IL5RA: variants seen among roughly 807,000 people sequenced by gnomAD.
IL5RA encodes interleukin 5 receptor subunit alpha.
IL5RA carries 49 observed loss-of-function variants against 50.0 expected under a neutral mutation model. The ratio of observed to expected loss-of-function variants is 0.98; its 90% confidence interval spans 0.78 to 1.24. The LOEUF is 1.24. Among genes scored for constraint, IL5RA ranks in the 50% most tolerant of loss-of-function variants. IL5RA has a pLI of 0.00. For missense variants in IL5RA, 600 were observed against 500.4 expected (o/e 1.20, Z -1.90); for synonymous variants, 202 against 174.0 (o/e 1.16, Z -1.26).
chr3:3,086,925 G>A (rs192946726), intron 9 of IL5RA, among the ~76,000 whole-genome samples: 2 of 152,268 alleles, frequency 1.3e-5, no homozygotes, highest in Admixed American at 6.5e-5. Flanking sequence ...CAACTTGGAT[G>A]GAATTGGAGG....
chr3:3,073,485 A>T lies in IL5RA; in HGVS notation c.1176+1297T>A, dbSNP rs556223694. On this transcript the variant is annotated intron_variant, in intron 11 of 11. Coordinates refer to ENST00000446632, the MANE Select transcript of IL5RA (RefSeq NM_175726.4). ...GGCTACTTTCACACTACAATGGCAG[A>T]GTTGAAGAGGTGAGACAGAAACCAT... Among the ~76,000 whole-genome samples, 6 of 152,336 alleles carry T rather than the reference A, an allele frequency of 3.9e-5. No homozygotes were observed. The East Asian group carries it at 1.2e-3, about 29-fold the overall frequency.
intron 5 of IL5RA, among the ~76,000 whole-genome samples, chr3:3,098,571 C>A (rs1004328143): frequency 6.6e-6 from 1 of 152,048 alleles, no homozygotes; most frequent in African/African-American, 2.4e-5. Context: ...CCACACCTGG[C>A]TAATTTTTGT....
chr3:3,101,556 ATGT>A, intron 5 of IL5RA, 133 bp downstream of exon 5: 2 of 741,030 alleles, frequency 2.7e-6, no homozygotes, highest in Non-Finnish European at 4.3e-6. Flanking sequence ...CTTGGTTAGG[ATGT>A]TGTTGATATG....
rs1028943910 is a variant in IL5RA, at chr3:3,069,270, A to C, written c.*955T>G. The C allele has an allele frequency of 1.9e-4, 29 of 152,248 alleles. No homozygotes were observed. The highest frequency in any genetic ancestry group is 7.0e-4 in the African/African-American group (29 of 41,462). The allele number at this position is 152,248 out of a possible 1,614,324, so 9.4% of individuals were successfully genotyped here. A position where few individuals can be genotyped will look rare whatever the true frequency, so the allele number is the denominator to read the frequency against. On this transcript the variant is annotated 3_prime_UTR_variant, in exon 12 of 12. Coordinates refer to ENST00000446632, the MANE Select transcript of IL5RA (RefSeq NM_175726.4). ...AGACTCATATATGAAGATGTTAGGAAGAAGAATTTCTGTGTATATTGGGAT... is the reference window on the plus strand; with the variant it reads ...AGACTCATATATGAAGATGTTAGGACGAAGAATTTCTGTGTATATTGGGAT...
chr3:3,074,185 T>A (rs531005119), intron 11 of IL5RA, among the ~76,000 whole-genome samples: 2 of 152,352 alleles, frequency 1.3e-5, no homozygotes, highest in East Asian at 3.9e-4. Flanking sequence ...TTTTCTATGG[T>A]CTTTTTTATA....
In IL5RA at chr3:3,098,245, G is replaced by A. The variant is rs767398506; in HGVS notation, c.413C>T (p.Thr138Ile). ...TAAACGTGAATAATTGTCTTCTGTA[G>A]TGTTTGTGGTGCAAGTTAAATTCAC... ...SIVNLTCTTN[T>I]TEDNYSRLRS... The change falls in exon 6 of 12, where the codon ACT (threonine) becomes ATT (isoleucine). Residue 138 changes from threonine to isoleucine, a missense_variant. Transcript: ENST00000446632. 9.9e-6 allele frequency: 16 copies of A among 1,613,942 alleles called. No individual in the cohort carries two copies. In the Admixed American group the frequency reaches 2.5e-4, roughly 25 times the overall value.
chr3:3,095,387 A>C lies in IL5RA; in HGVS notation c.767T>G (p.Ile256Ser), dbSNP rs1403711697. ...TAEIEGTRLS[I>S]QWEKPVSAFP... is the part of the protein sequence containing the mutation. The stretch of plus-strand genomic sequence containing the variant: ...AGCAGACACTGGTTTCTCCCATTGG[A>C]TAGAGAGACGAGTTCCTTCAATCTC... Residue 256 changes from isoleucine (I) to serine (S), a missense_variant, in exon 8 of 12, where the codon ATC becomes AGC. By Grantham distance (142) the Ile-to-Ser change is moderately radical. Coordinates refer to ENST00000446632, the MANE Select transcript of IL5RA (RefSeq NM_175726.4). The C allele has an allele frequency of 6.2e-7, 1 of 1,611,366 alleles. No individual in the cohort carries two copies. The highest frequency in any genetic ancestry group is 1.7e-5 in the Admixed American group (1 of 60,014).
intron 2 of IL5RA, among the ~76,000 whole-genome samples, chr3:3,107,439 T>C (rs143157955): frequency 0.017 from 2,589 of 152,162 alleles, 28 homozygotes; most frequent in Middle Eastern, 0.027. Flanking sequence ...AATCCAAAGA[T>C]ACACTGTTAT....
In IL5RA at chr3:3,067,063, G is replaced by A. The variant is rs899507194; in HGVS notation, c.*3162C>T. The A allele has an allele frequency of 5.9e-5, 9 of 152,228 alleles. No homozygotes were observed. Among genetic ancestry groups the A allele is most frequent in the African/African-American group, 1.9e-4 (8 of 41,440 alleles). The allele number at this position is 152,228 out of a possible 1,614,324, so 9.4% of individuals were successfully genotyped here. ...CTTACATCAACCTGCTGCTGATGGT[G>A]TTTACTGTTAAGTGAATTTCAAACT... On this transcript the variant is annotated 3_prime_UTR_variant, in exon 12 of 12. Coordinates refer to ENST00000446632, the MANE Select transcript of IL5RA (RefSeq NM_175726.4).
chr3:3,107,925 CCT>C (rs1704006095), intron 2 of IL5RA, among the ~76,000 whole-genome samples: 1 of 152,112 alleles, frequency 6.6e-6, no homozygotes, highest in African/African-American at 2.4e-5. Flanking sequence ...AATATTTTCC[CCT>C]CTTTTTTTTC....
chr3:3,071,551 CAGTGTG>C (rs1187988267), intron 11 of IL5RA, among the ~76,000 whole-genome samples: 231 of 126,476 alleles, frequency 1.8e-3, no homozygotes, highest in African/African-American at 6.8e-3. Context: ...TCTTCCTTCA[CAGTGTG>C]TGTGTGTGTG....
rs1055126622 is a variant in IL5RA at position 3,069,362 on chromosome 3, T to C, written c.*863A>G. On this transcript the variant is annotated 3_prime_UTR_variant, in exon 12 of 12. Transcript: ENST00000446632. ...AGACTAGGATTGATCTGGCATTACT[T>C]GACCAACAAGTTGTTCTGAAGTCTT... is the stretch of plus-strand genomic sequence containing the variant. 2 of 152,276 alleles carry C rather than the reference T, an allele frequency of 1.3e-5. No homozygotes were observed. Among genetic ancestry groups the C allele is most frequent in the Non-Finnish European group, 2.9e-5 (2 of 68,054 alleles). 9.4% of individuals were successfully genotyped at this position (152,276 alleles called of 1,614,324 possible).
rs929241504 is a variant in IL5RA, at chr3:3,070,971, GATAGCTTCATC to G, written c.1177-671_1177-661del. Among the ~76,000 whole-genome samples, 9 of 152,158 alleles carry G rather than the reference GATAGCTTCATC, an allele frequency of 5.9e-5. No homozygotes were observed. In the South Asian group the frequency reaches 1.0e-3, roughly 18 times the overall value. ...AATGTGCTTTGGCGGCATCACTTTT[GATAGCTTCATC>G]ATATTCCTTCCATAATTTACTACAG... On this transcript the variant is annotated intron_variant, in intron 11 of 11. Coordinates refer to ENST00000446632, the MANE Select transcript of IL5RA (RefSeq NM_175726.4).
intron 9 of IL5RA, 151 bp from the exon 10 acceptor site, chr3:3,076,778 CTA>C (rs1460887031): frequency 2.5e-5 from 14 of 556,234 alleles, no homozygotes; most frequent in Non-Finnish European, 4.2e-5. Flanking sequence ...TTCCCTGAGC[CTA>C]AGATTTCTCA....
rs1351138983 is a variant in IL5RA at position 3,092,774 on chromosome 3, G to C, written c.856-412C>G. On this transcript the variant is annotated intron_variant, in intron 8 of 11. Transcript: ENST00000446632. The surrounding 1 kb of genome is among the most constrained non-coding windows in gnomAD (Gnocchi z 4.2). ...TGTTGAAATGAAGCTATTTTCTCAT[G>C]AATGAGCCCTTCTTCTTTTTCCTTC... Among the ~76,000 whole-genome samples, 1 of 152,132 alleles carries C rather than the reference G, an allele frequency of 6.6e-6. No individual in the cohort carries two copies. Among genetic ancestry groups the C allele is most frequent in the African/African-American group, 2.4e-5 (1 of 41,426 alleles).
chr3:3,109,714 C>T (rs1270133938), intron 1 of IL5RA, among the ~76,000 whole-genome samples: 1 of 152,100 alleles, frequency 6.6e-6, no homozygotes, highest in Non-Finnish European at 1.5e-5. Flanking sequence ...AGTTCTGTCC[C>T]TGCTAATAAT....
Position 3,092,282 on chromosome 3 carries a change from C to T in IL5RA, c.936G>A (p.Val312=). 1 of 1,614,108 alleles carries T rather than the reference C, an allele frequency of 6.2e-7. No homozygotes were observed. The change falls in exon 9 of 12, where the codon GTG becomes GTA. Residue 312 remains valine (V), a synonymous_variant. Transcript: ENST00000446632. The surrounding 1 kb of genome is among the most constrained non-coding windows in gnomAD (Gnocchi z 4.2). ...SKYDVQVRAA[V]SSMCREAGLW... ...GCCCTGCCTCTCTGCACATGGAGCT[C>T]ACTGCTGCTCTCACTTGAACATCGT...
In IL5RA at chr3:3,104,922, G is replaced by A. The variant is rs151133737; in HGVS notation, c.63C>T (p.Asp21=). ...LLGATEILQA[D]LLPDEKISLL... is the part of the protein sequence containing the mutation. ...CCTTACTCTTTTCATCAGGAAGTAAGTCAGCTTGCAGTATCTCAGTGGCCC... is the reference window on the plus strand; with the variant it reads ...CCTTACTCTTTTCATCAGGAAGTAAATCAGCTTGCAGTATCTCAGTGGCCC... The change falls in exon 3 of 12, where the codon GAC becomes GAT. Residue 21 remains aspartate, a synonymous_variant. Coordinates refer to ENST00000446632, the MANE Select transcript of IL5RA (RefSeq NM_175726.4). The A allele has an allele frequency of 9.8e-5, 157 of 1,609,864 alleles. 2 individuals carry two copies. Among genetic ancestry groups the A allele is most frequent in the Non-Finnish European group, 1.3e-4 (148 of 1,176,284 alleles).
chr3:3,071,711 TC>T (rs1402809422), intron 11 of IL5RA, among the ~76,000 whole-genome samples: 1 of 151,798 alleles, frequency 6.6e-6, no homozygotes, highest in Non-Finnish European at 1.5e-5. Context: ...CACCTCAGCC[TC>T]CCGAGTATCT....
Sources: allele counts gnomAD v4.1 joint callset (sites outside exome capture counted in the v4.1 genomes callset), GRCh38; gene constraint gnomAD v4.1.1; non-coding constraint Gnocchi (gnomAD v3.1); transcripts MANE v1.5; gene names NCBI Gene and HGNC (gene_info 2026-07-23, HGNC 2026-07-21).